PRKCZ: variants seen among roughly 807,000 people sequenced by gnomAD.
PRKCZ encodes the protein protein kinase C zeta, also known as protein kinase C zeta type.
A neutral mutation model predicts 79.5 loss-of-function variants in PRKCZ; 33 were observed. That is an observed-to-expected ratio of 0.41 (90% CI 0.31 to 0.55). The LOEUF is 0.55. Ranked by LOEUF, PRKCZ falls within the 20% of genes least tolerant of loss-of-function variation. The pLI is 0.19. For synonymous variants in PRKCZ, 342 were observed against 320.9 expected, an observed-to-expected ratio of 1.07 and a Z score of -0.70; for missense variants, 578 against 813.5, an observed-to-expected ratio of 0.71 and a Z score of 3.52.
chr1:2,088,546 C>T (rs1429563175), intron 4 of PRKCZ, among the ~76,000 whole-genome samples: 1 of 152,238 alleles, frequency 6.6e-6, no homozygotes, highest in Non-Finnish European at 1.5e-5. Context: ...CCTCTCCATC[C>T]CACGCCCAGA....
chr1:2,156,086 C>G lies in PRKCZ; in HGVS notation c.968C>G (p.Thr323Arg), dbSNP rs774214937. 3 of 1,611,174 alleles carry G rather than the reference C, an allele frequency of 1.9e-6. No homozygotes were observed. The highest frequency in any genetic ancestry group is 2.5e-6 in the Non-Finnish European group (3 of 1,177,582). The change falls in exon 10 of 18, where the codon ACA becomes AGA. Residue 323 changes from threonine to arginine, a missense_variant. By Grantham distance (71) the Thr-to-Arg change is moderately conservative (BLOSUM62 -1). Coordinates refer to ENST00000378567, the MANE Select transcript of PRKCZ (RefSeq NM_002744.6). ...LVGLHSCFQT[T>R]SRLFLVIEYV... ...GGATTACACTCCTGCTTCCAGACGACAAGTCGGTAAGAAAAAGAAGGGTAT... is the reference window on the plus strand; with the variant it reads ...GGATTACACTCCTGCTTCCAGACGAGAAGTCGGTAAGAAAAAGAAGGGTAT...
At chr1:2,101,850 C>T (rs1411933382) in intron 4 of PRKCZ, among the ~76,000 whole-genome samples, 1 of 152,202 alleles carries the variant, frequency 6.6e-6, no homozygotes, top group East Asian at 1.9e-4. Flanking sequence ...CGCAAGGATA[C>T]ACGGCAGAGA....
intron 2 of PRKCZ, among the ~76,000 whole-genome samples, chr1:2,056,275 G>T (rs1394599949): frequency 6.6e-6 from 1 of 152,196 alleles, no homozygotes; most frequent in African/African-American, 2.4e-5. Flanking sequence ...TTCCCTTCCG[G>T]GGTGGCTCTG....
At chr1:2,051,998 C>T (rs973043298) in intron 1 of PRKCZ, among the ~76,000 whole-genome samples, 2 of 152,176 alleles carry the variant, frequency 1.3e-5, no homozygotes, top group African/African-American at 4.8e-5. Context: ...GGTAGGGCAG[C>T]CATGTCTTTT....
In PRKCZ at chr1:2,174,442, C is replaced by A. The variant is rs1222440316; in HGVS notation, c.1406-312C>A. ...GCTGTGGGGATGTGGGATCTGGGAA[C>A]GCGGCTGTCTCCGCGGTGCCCTCTG... On this transcript the variant is annotated intron_variant, in intron 14 of 17. Transcript: ENST00000378567. The surrounding 1 kb of genome is among the most constrained non-coding windows in gnomAD (Gnocchi z 6.2). Among the ~76,000 whole-genome samples the A allele has an allele frequency of 6.6e-6, 1 of 152,232 alleles. No homozygotes were observed. The highest frequency in any genetic ancestry group is 1.5e-5 in the Non-Finnish European group (1 of 68,044).
chr1:2,139,327 C>T (rs994114929), intron 5 of PRKCZ, among the ~76,000 whole-genome samples: 5 of 152,118 alleles, frequency 3.3e-5, no homozygotes, highest in Non-Finnish European at 7.4e-5. Flanking sequence ...TGGTGGCTCA[C>T]GCCTGTAATT....
At chr1:2,159,180 AAAACT>A (rs2103331572) in intron 10 of PRKCZ, among the ~76,000 whole-genome samples, 1 of 152,348 alleles carries the variant, frequency 6.6e-6, no homozygotes, top group Admixed American at 6.5e-5. Context: ...GGGGGCTGTG[AAAACT>A]GCCCACAAAT....
At chr1:2,119,213 C>CTTTTTTTTTTT (rs201938015) in intron 4 of PRKCZ, among the ~76,000 whole-genome samples, 1 of 126,436 alleles carries the variant, frequency 7.9e-6, no homozygotes, top group East Asian at 2.1e-4. Context: ...TTATTTTTTC[C>CTTTTTTTTTTT]TTTTTTTTTT....
At chr1:2,161,420 C>T (rs1459483889) in intron 10 of PRKCZ, among the ~76,000 whole-genome samples, 1 of 152,202 alleles carries the variant, frequency 6.6e-6, no homozygotes, top group Non-Finnish European at 1.5e-5. Context: ...TCTTCGGGAA[C>T]ACTGCGGACA....
intron 4 of PRKCZ, among the ~76,000 whole-genome samples, chr1:2,134,230 T>C (rs940117118): frequency 2.6e-5 from 4 of 152,206 alleles, no homozygotes; most frequent in Admixed American, 1.3e-4. Flanking sequence ...AATCTTCCAT[T>C]TAAAGGAAGA....
intron 4 of PRKCZ, among the ~76,000 whole-genome samples, chr1:2,108,416 G>A (rs1275895620): frequency 6.6e-6 from 1 of 152,234 alleles, no homozygotes; most frequent in Non-Finnish European, 1.5e-5. Flanking sequence ...CCCTCTGGGT[G>A]AGTGAGAGGC....
intron 16 of PRKCZ, chr1:2,182,789 A>AGGGGCGGGCCAGTGAATGAGTGTGCG (rs1686871182): frequency 6.5e-6 from 1 of 154,492 alleles, no homozygotes; most frequent in Non-Finnish European, 1.5e-5. Context: ...CACACACCTA[A>AGGGGCGGGCCAGTGAATGAGTGTGCG]GGGGCGGGCC....
intron 7 of PRKCZ, among the ~76,000 whole-genome samples, chr1:2,148,441 A>C (rs565227012): frequency 6.6e-6 from 1 of 151,144 alleles, no homozygotes; most frequent in South Asian, 2.1e-4. Context: ...CTATCCATCC[A>C]TCTATTGTCC....
At chr1:2,169,356 G>T in intron 10 of PRKCZ, 162 bp from the exon 11 acceptor site, 1 of 696,210 alleles carries the variant, frequency 1.4e-6, no homozygotes, top group Non-Finnish European at 2.6e-6. Context: ...GTCCCCACCA[G>T]CCCCTCTCTG....
chr1:2,074,027 A>G (rs1661921049), intron 4 of PRKCZ: 3 of 1,435,040 alleles, frequency 2.1e-6, no homozygotes, highest in Non-Finnish European at 2.7e-6. Flanking sequence ...TGCCCGAGTC[A>G]GCATTTTGGG....
chr1:2,061,919 T>C (rs974756693), intron 4 of PRKCZ, among the ~76,000 whole-genome samples: 1 of 152,100 alleles, frequency 6.6e-6, no homozygotes, highest in Non-Finnish European at 1.5e-5. Context: ...TTAGCGCCTG[T>C]GGGGGTGTTC....
intron 10 of PRKCZ, among the ~76,000 whole-genome samples, chr1:2,160,115 AAC>A (rs776740091): frequency 4.6e-5 from 7 of 152,222 alleles, no homozygotes; most frequent in Non-Finnish European, 8.8e-5. Context: ...AAAAAGAACA[AAC>A]ACACACCTTT....
intron 5 of PRKCZ, 137 bp downstream of exon 5, chr1:2,135,484 C>T (rs1676002866): frequency 2.6e-6 from 2 of 774,086 alleles, no homozygotes; most frequent in Admixed American, 3.0e-5. Flanking sequence ...TACAGAAATG[C>T]TTTCTCTGGT....
At chr1:2,102,988 G>T (rs1402330537) in intron 4 of PRKCZ, among the ~76,000 whole-genome samples, 1 of 152,072 alleles carries the variant, frequency 6.6e-6, no homozygotes, top group Non-Finnish European at 1.5e-5. Flanking sequence ...TCCCACCTCA[G>T]CCTCCCAACT....
Sources: allele counts gnomAD v4.1 joint callset (sites outside exome capture counted in the v4.1 genomes callset), GRCh38; gene constraint gnomAD v4.1.1; non-coding constraint Gnocchi (gnomAD v3.1); transcripts MANE v1.5; gene names NCBI Gene and HGNC (gene_info 2026-07-23, HGNC 2026-07-21).